TENM3: variants seen among roughly 807,000 people sequenced by gnomAD.
The protein encoded by TENM3 is teneurin transmembrane protein 3.
A neutral mutation model predicts 255.1 loss-of-function variants in TENM3; 63 were observed. That is an observed-to-expected ratio of 0.25 (90% CI 0.20 to 0.30). The LOEUF is 0.30. Among genes scored for constraint, TENM3 ranks in the 10% least tolerant of loss-of-function variants. TENM3 has a pLI of 1.00. For synonymous variants in TENM3, 1,306 were observed against 1,322.3 expected (o/e 0.99, Z 0.27); for missense variants, 2,929 against 3,461.1 (o/e 0.85, Z 3.86).
the TENM3 span, among the ~76,000 whole-genome samples, chr4:181,611,410 T>G: frequency 2.0e-5 from 3 of 152,214 alleles, no homozygotes; most frequent in African/African-American, 7.2e-5. Context: ...TGTCCCGTCA[T>G]GTTGTCAGAC....
chr4:182,602,781 A>G (rs763091522), intron 4 of TENM3, among the ~76,000 whole-genome samples: 2 of 152,200 alleles, frequency 1.3e-5, no homozygotes, highest in African/African-American at 2.4e-5. Context: ...TAATTAGCAC[A>G]CACTGAACAG....
chr4:181,855,601 T>C, the TENM3 span, among the ~76,000 whole-genome samples: 1 of 152,156 alleles, frequency 6.6e-6, no homozygotes, highest in East Asian at 1.9e-4. Flanking sequence ...ATTGAAAAAG[T>C]GTAGTGGGCA....
the TENM3 span, among the ~76,000 whole-genome samples, chr4:182,093,155 C>A: frequency 6.6e-6 from 1 of 152,228 alleles, no homozygotes; most frequent in South Asian, 2.1e-4. Flanking sequence ...CCAAAGATAT[C>A]GGTGTCTTTA....
the TENM3 span, among the ~76,000 whole-genome samples, chr4:181,963,198 G>C: frequency 6.6e-6 from 1 of 152,160 alleles, no homozygotes; most frequent in African/African-American, 2.4e-5. Context: ...CAGATGGGGA[G>C]CCCGATCCGT....
the TENM3 span, among the ~76,000 whole-genome samples, chr4:181,538,426 T>C: frequency 6.6e-5 from 10 of 151,498 alleles, no homozygotes; most frequent in South Asian, 1.9e-3. Context: ...GCAAATGCAA[T>C]GAATACTGGA....
the TENM3 span, among the ~76,000 whole-genome samples, chr4:182,132,108 T>C: frequency 5.9e-5 from 9 of 152,350 alleles, no homozygotes; most frequent in African/African-American, 1.9e-4. Context: ...TCTGTAAGTC[T>C]AGCCTTCAAC....
At chr4:182,306,996 T>C (rs1266944086) in intron 1 of TENM3, among the ~76,000 whole-genome samples, 1 of 152,214 alleles carries the variant, frequency 6.6e-6, no homozygotes, top group Non-Finnish European at 1.5e-5. Context: ...GCAATTAAAA[T>C]ATATTCCACA....
the TENM3 span, among the ~76,000 whole-genome samples, chr4:181,865,499 C>T: frequency 6.6e-6 from 1 of 152,136 alleles, no homozygotes; most frequent in Admixed American, 6.5e-5. Flanking sequence ...CTGGTTGACC[C>T]CGAATCCTCT....
At chr4:182,162,697 C>T (rs1751437126) in intron 1 of TENM3, among the ~76,000 whole-genome samples, 1 of 151,862 alleles carries the variant, frequency 6.6e-6, no homozygotes, top group Admixed American at 6.6e-5. Flanking sequence ...CAGCACCTTG[C>T]TCTGCTTCTG....
intron 22 of TENM3, among the ~76,000 whole-genome samples, chr4:182,764,620 T>C (rs1763521179): frequency 6.6e-6 from 1 of 152,116 alleles, no homozygotes; most frequent in African/African-American, 2.4e-5. Context: ...GGAAAGCATT[T>C]ACCCAGGAGC....
chr4:182,249,246 C>G (rs192352483), intron 1 of TENM3, among the ~76,000 whole-genome samples: 65 of 152,212 alleles, frequency 4.3e-4, no homozygotes, highest in African/African-American at 1.6e-3. Flanking sequence ...TTAGGTTTTC[C>G]GATTTCAGGG....
the TENM3 span, among the ~76,000 whole-genome samples, chr4:181,937,694 G>A: frequency 6.6e-6 from 1 of 152,184 alleles, no homozygotes; most frequent in South Asian, 2.1e-4. Context: ...GAACTTTCTT[G>A]AATTCTTTAC....
At chr4:181,954,431 G>A in the TENM3 span, among the ~76,000 whole-genome samples, 11 of 152,294 alleles carry the variant, frequency 7.2e-5, no homozygotes, top group South Asian at 2.1e-4. Context: ...TCACCAACAC[G>A]TGGTATGGTT....
At chr4:182,663,884 C>A (rs1657187432) in intron 6 of TENM3, among the ~76,000 whole-genome samples, 1 of 150,596 alleles carries the variant, frequency 6.6e-6, no homozygotes, top group Non-Finnish European at 1.5e-5. Flanking sequence ...TAGAACCAAT[C>A]CTTTTCCCGG....
the TENM3 span, among the ~76,000 whole-genome samples, chr4:181,939,336 C>T: frequency 8.5e-5 from 13 of 152,202 alleles, no homozygotes; most frequent in African/African-American, 2.9e-4. Context: ...CTAGAATCGG[C>T]GTGTAGCCTG....
chr4:182,383,306 C>T (rs574381841), intron 3 of TENM3, among the ~76,000 whole-genome samples: 3 of 151,940 alleles, frequency 2.0e-5, no homozygotes, highest in East Asian at 1.9e-4. Flanking sequence ...ACTGATTTAG[C>T]GAGAGTCTTG....
the TENM3 span, among the ~76,000 whole-genome samples, chr4:181,741,377 T>C: frequency 6.6e-6 from 1 of 152,132 alleles, no homozygotes; most frequent in Non-Finnish European, 1.5e-5. Flanking sequence ...CTAAATCTAT[T>C]AGTAGCTCTT....
intron 5 of TENM3, among the ~76,000 whole-genome samples, chr4:182,647,348 T>G (rs1480016590): frequency 6.6e-6 from 1 of 152,188 alleles, no homozygotes; most frequent in Non-Finnish European, 1.5e-5. Context: ...GAAACTAAAA[T>G]TCTGTACCTA....
the TENM3 span, among the ~76,000 whole-genome samples, chr4:182,121,458 G>A: frequency 6.6e-6 from 1 of 152,090 alleles, no homozygotes; most frequent in Non-Finnish European, 1.5e-5. Context: ...GGTAAGACTA[G>A]GTTAGACTCT....
Sources: allele counts gnomAD v4.1 joint callset (sites outside exome capture counted in the v4.1 genomes callset), GRCh38; gene constraint gnomAD v4.1.1; transcripts MANE v1.5; gene names NCBI Gene and HGNC (gene_info 2026-07-23, HGNC 2026-07-21).